XIRP2: variants seen among roughly 807,000 people sequenced by gnomAD.
XIRP2 encodes the protein xin actin binding repeat containing 2, also known as xin actin-binding repeat-containing protein 2.
A neutral mutation model predicts 277.0 loss-of-function variants in XIRP2; 236 were observed. That is an observed-to-expected ratio of 0.85 (90% CI 0.77 to 0.95). XIRP2 has a LOEUF of 0.95. Ranked by LOEUF, XIRP2 falls within the 40% of genes least tolerant of loss-of-function variation. XIRP2 has a pLI of 0.00. For missense variants in XIRP2, 4,640 were observed against 4,157.5 expected (o/e 1.12, Z -3.19); for synonymous variants, 1,490 against 1,416.5 (o/e 1.05, Z -1.17).
At chr2:166,923,083 G>T (rs916142194) in intron 2 of XIRP2, among the ~76,000 whole-genome samples, 8 of 151,894 alleles carry the variant, frequency 5.3e-5, no homozygotes, top group African/African-American at 1.9e-4. Flanking sequence ...AATAAAGAAT[G>T]AACTACTAAG....
intron 3 of XIRP2, among the ~76,000 whole-genome samples, chr2:167,178,229 T>G (rs1041658296): frequency 4.6e-5 from 7 of 152,150 alleles, no homozygotes; most frequent in African/African-American, 1.7e-4. Flanking sequence ...GTTACCTATA[T>G]TAAAAAGGAT....
intron 2 of XIRP2, among the ~76,000 whole-genome samples, chr2:167,075,237 G>A (rs1689531397): frequency 6.6e-6 from 1 of 152,114 alleles, no homozygotes. Flanking sequence ...AAAAGGCAGG[G>A]AAAAAGCATG....
chr2:167,161,461 C>G (rs925453225), intron 3 of XIRP2, among the ~76,000 whole-genome samples: 5 of 152,196 alleles, frequency 3.3e-5, no homozygotes, highest in Admixed American at 3.3e-4. Context: ...TCCCAAACCC[C>G]AATTCTTGAT....
At chr2:167,061,486 C>G (rs183669251) in intron 2 of XIRP2, among the ~76,000 whole-genome samples, 1 of 151,886 alleles carries the variant, frequency 6.6e-6, no homozygotes, top group Non-Finnish European at 1.5e-5. Flanking sequence ...TTTGTAGATG[C>G]CATTTACCCT....
At chr2:167,221,839 T>C (rs1694443190) in intron 5 of XIRP2, among the ~76,000 whole-genome samples, 1 of 152,318 alleles carries the variant, frequency 6.6e-6, no homozygotes, top group East Asian at 1.9e-4. Context: ...TAGTAATTAA[T>C]ATTAATTTGG....
intron 2 of XIRP2, among the ~76,000 whole-genome samples, chr2:166,958,499 T>C (rs4371371): frequency 2.6e-5 from 4 of 151,770 alleles, no homozygotes; most frequent in Non-Finnish European, 4.4e-5. Context: ...GGAGCCCTAG[T>C]ACCCACATTC....
At chr2:167,104,733 TG>T (rs1005461442) in intron 2 of XIRP2, among the ~76,000 whole-genome samples, 6 of 152,220 alleles carry the variant, frequency 3.9e-5, no homozygotes, top group African/African-American at 1.4e-4. Flanking sequence ...CTTTTCCTTT[TG>T]CCATCATTAG....
In XIRP2 at chr2:167,242,932, G is replaced by A; in HGVS notation, c.1540G>A (p.Glu514Lys). ...CCATCCTGAGTTAAGAAAAAACTTA[G>A]AAAAAGATTATATCAGTGAAGTTTC... ...HIHPELRKNL[E>K]KDYISEVSEI... Residue 514 changes from glutamate (E) to lysine (K), a missense_variant, in exon 9 of 11, where the codon GAA becomes AAA. Physicochemically the swap from Glu to Lys is moderately conservative, Grantham distance 56 (BLOSUM62 1). Transcript: ENST00000409195. 1 of 1,613,418 alleles carries A rather than the reference G, an allele frequency of 6.2e-7. No homozygotes were observed. The highest frequency in any genetic ancestry group is 8.5e-7 in the Non-Finnish European group (1 of 1,179,856).
At chr2:167,026,900 G>T (rs1200755328) in intron 2 of XIRP2, among the ~76,000 whole-genome samples, 3 of 152,056 alleles carry the variant, frequency 2.0e-5, no homozygotes, top group Non-Finnish European at 2.9e-5. Flanking sequence ...GCTTCCCTTT[G>T]TGGGTAACCC....
At chr2:167,003,762 T>C (rs1014778419) in intron 2 of XIRP2, among the ~76,000 whole-genome samples, 1 of 151,922 alleles carries the variant, frequency 6.6e-6, no homozygotes, top group Non-Finnish European at 1.5e-5. Context: ...AATGACATAA[T>C]GAAATTTGTA....
intron 3 of XIRP2, among the ~76,000 whole-genome samples, chr2:167,139,737 C>T (rs543014371): frequency 3.7e-4 from 57 of 152,132 alleles, no homozygotes; most frequent in African/African-American, 1.0e-3. Flanking sequence ...AGAGTAATGA[C>T]GTCCAATAGA....
intron 2 of XIRP2, among the ~76,000 whole-genome samples, chr2:166,912,253 C>T (rs904789116): frequency 6.6e-6 from 1 of 152,186 alleles, no homozygotes; most frequent in Non-Finnish European, 1.5e-5. Flanking sequence ...ACCAATCAGA[C>T]ATAGATTTGG....
At chr2:167,128,573 C>T (rs1187546048) in intron 2 of XIRP2, among the ~76,000 whole-genome samples, 1 of 152,088 alleles carries the variant, frequency 6.6e-6, no homozygotes, top group African/African-American at 2.4e-5. Context: ...CCAATCCCCC[C>T]TTGGATATTG....
intron 3 of XIRP2, among the ~76,000 whole-genome samples, chr2:167,172,786 A>C (rs766497952): frequency 6.6e-6 from 1 of 152,178 alleles, no homozygotes; most frequent in Non-Finnish European, 1.5e-5. Flanking sequence ...CAATTTGTGC[A>C]GTTAATGCAA....
intron 6 of XIRP2, 133 bp downstream of exon 6, chr2:167,240,098 C>T (rs1559035502): frequency 1.2e-6 from 1 of 825,334 alleles, no homozygotes; most frequent in East Asian, 3.4e-5. Flanking sequence ...TCTTTCTCCA[C>T]TTTCAAGTTG....
At chr2:167,207,181 CA>C (rs1407544174) in intron 3 of XIRP2, among the ~76,000 whole-genome samples, 1 of 152,076 alleles carries the variant, frequency 6.6e-6, no homozygotes, top group Non-Finnish European at 1.5e-5. Context: ...GTTGTAAGAA[CA>C]TATCATTTTT....
chr2:166,957,534 A>T (rs1163025281), intron 2 of XIRP2, among the ~76,000 whole-genome samples: 1 of 151,862 alleles, frequency 6.6e-6, no homozygotes, highest in African/African-American at 2.4e-5. Context: ...TGAATGTATT[A>T]GATGCTACAT....
At chr2:166,962,890 G>A (rs1463663362) in intron 2 of XIRP2, among the ~76,000 whole-genome samples, 1 of 151,546 alleles carries the variant, frequency 6.6e-6, no homozygotes, top group Non-Finnish European at 1.5e-5. Flanking sequence ...ACATTTTAGT[G>A]CCCTAATAAA....
chr2:166,959,413 A>C (rs199547449), intron 2 of XIRP2, among the ~76,000 whole-genome samples: 2 of 151,876 alleles, frequency 1.3e-5, no homozygotes, highest in South Asian at 2.1e-4. Context: ...TTGTGTGATT[A>C]GATTTTTAAT....
Sources: allele counts gnomAD v4.1 joint callset (sites outside exome capture counted in the v4.1 genomes callset), GRCh38; gene constraint gnomAD v4.1.1; transcripts MANE v1.5; gene names NCBI Gene and HGNC (gene_info 2026-07-23, HGNC 2026-07-21).